The following PACC1 variants were observed in gnomAD, a reference collection of about 807,000 sequenced individuals.
The protein encoded by PACC1 is proton-activated chloride channel.
PACC1 carries 34 observed loss-of-function variants against 39.7 expected under a neutral mutation model. The ratio of observed to expected loss-of-function variants is 0.86; its 90% CI spans 0.65 to 1.14. The LOEUF is 1.14. Among genes scored for constraint, PACC1 ranks in the 50% most tolerant of loss-of-function variants. PACC1 has a pLI of 0.00. For missense variants in PACC1, 379 were observed against 436.4 expected (o/e 0.87, Z 1.17); for synonymous variants, 127 against 160.6 (o/e 0.79, Z 1.58).
At chr1:212,414,625 C>G in intron 1 of PACC1, 97 bp downstream of exon 1, 1 of 1,472,972 alleles carries the variant, frequency 6.8e-7, no homozygotes. Context: ...AGCCCTCTGC[C>G]GCGCAGCCCC....
At chr1:212,378,286 C>A (rs750723460) in intron 5 of PACC1, among the ~76,000 whole-genome samples, 1 of 152,170 alleles carries the variant, frequency 6.6e-6, no homozygotes, top group African/African-American at 2.4e-5. Flanking sequence ...AGGAAGCTCA[C>A]GAAAGGAGCG....
chr1:212,406,513 C>CA lies in PACC1; in HGVS notation c.133+3911dup, dbSNP rs906400823. On this transcript the variant is annotated intron_variant, in intron 2 of 7. Coordinates refer to ENST00000261455, the MANE Select transcript of PACC1 (RefSeq NM_018252.3). ...CCTAGTTGACACAGGGAGACTGTCTCAAAAAAAAAAGAAGAGTCAGAGGCA... is the reference window on the plus strand; with the variant it reads ...CCTAGTTGACACAGGGAGACTGTCTCAAAAAAAAAAAGAAGAGTCAGAGGCA... 8.9e-4 allele frequency among the ~76,000 whole-genome samples: 129 copies of CA among 144,878 alleles called. 2 individuals carry two copies. Among genetic ancestry groups the CA allele is most frequent in the South Asian group, 7.4e-3 (34 of 4,592 alleles).
At position 212,386,083 on chromosome 1, in the gene PACC1, G is replaced by A. The variant is rs908199433; in HGVS notation, c.344-658C>T. 2.0e-5 allele frequency among the ~76,000 whole-genome samples: 3 copies of A among 152,108 alleles called. No individual in the cohort carries two copies. Among genetic ancestry groups the A allele is most frequent in the South Asian group, 2.1e-4 (1 of 4,814 alleles). The stretch of plus-strand genomic sequence containing the variant: ...CACAAGACAGGAAGAGATGGGCAGA[G>A]GAGCCATGACCAGCACACCTGACTC... On this transcript the variant is annotated intron_variant, in intron 3 of 7. Coordinates refer to ENST00000261455, the MANE Select transcript of PACC1 (RefSeq NM_018252.3). This position sits in a 1 kb window ranked among gnomAD's most constrained non-coding sequence, Gnocchi z 5.0.
At chr1:212,381,695 G>A (rs56794403) in intron 4 of PACC1, among the ~76,000 whole-genome samples, 20,995 of 122,360 alleles carry the variant, frequency 0.17, 2,160 homozygotes, top group East Asian at 0.4. Context: ...CACACACACT[G>A]CACACACACA....
In PACC1 at chr1:212,377,703, T is replaced by C. The variant is rs775431444; in HGVS notation, c.642A>G (p.Pro214=). 2 of 1,613,850 alleles carry C rather than the reference T, an allele frequency of 1.2e-6. No individual in the cohort carries two copies. The highest frequency in any genetic ancestry group is 2.7e-5 in the African/African-American group (2 of 74,910). ...AGGCCTGCATGAAGCCTACCCTGTT[T>C]GGGCTTGGAGGAAGGAAGGAGAAGG... ...FSSFQEFLQS[P]NRVGFMQACE... Residue 214 remains proline (P), a synonymous_variant, in exon 6 of 8, where the codon CCA becomes CCG. Coordinates refer to ENST00000261455, the MANE Select transcript of PACC1 (RefSeq NM_018252.3).
At chr1:212,376,440 A>AC (rs755870589) in intron 6 of PACC1, among the ~76,000 whole-genome samples, 8 of 152,196 alleles carry the variant, frequency 5.3e-5, no homozygotes, top group Non-Finnish European at 8.8e-5. Context: ...TAGAGTTTTC[A>AC]CCCTTTGGTT....
intron 2 of PACC1, among the ~76,000 whole-genome samples, chr1:212,408,163 T>TA: frequency 6.6e-6 from 1 of 151,838 alleles, no homozygotes; most frequent in Non-Finnish European, 1.5e-5. Context: ...TTACCAGCTA[T>TA]ATGACCTCCC....
intron 7 of PACC1, among the ~76,000 whole-genome samples, chr1:212,370,623 TA>T (rs1660414091): frequency 6.6e-6 from 1 of 152,178 alleles, no homozygotes; most frequent in Admixed American, 6.5e-5. Flanking sequence ...GGAATAAAAC[TA>T]GAAATCAATA....
rs146460468 is a variant in PACC1, at chr1:212,377,706, G to C, written c.639C>G (p.Ser213Arg). ...LFSSFQEFLQSPNRVGFMQAC... is the reference protein window; with the variant it reads ...LFSSFQEFLQRPNRVGFMQAC... ...CCTGCATGAAGCCTACCCTGTTTGG[G>C]CTTGGAGGAAGGAAGGAGAAGGAAG... is the stretch of plus-strand genomic sequence containing the variant. The change falls in exon 6 of 8, where the codon AGC becomes AGG. Residue 213 changes from serine (S) to arginine (R), a missense_variant and splice_region_variant. Transcript: ENST00000261455. The C allele has an allele frequency of 8.1e-6, 13 of 1,613,742 alleles. No individual in the cohort carries two copies. The African/African-American group carries it at 1.7e-4, about 22-fold the overall frequency.
chr1:212,413,757 G>GA (rs1662220740), intron 1 of PACC1: 10 of 953,420 alleles, frequency 1.0e-5, no homozygotes. Flanking sequence ...TCAGGTCTGA[G>GA]AAAAAAGGAA....
At position 212,371,945 on chromosome 1, in the gene PACC1, G is replaced by A. The variant is rs541456257; in HGVS notation, c.891+3248C>T. ...CAAAAATCATGTAATCATTTCAATA[G>A]ATGGTAAAAAAGCATTTAATAAAAT... On this transcript the variant is annotated intron_variant, in intron 7 of 7. Transcript: ENST00000261455. 1.0e-3 allele frequency among the ~76,000 whole-genome samples: 153 copies of A among 152,180 alleles called. 1 individual carries two copies. Among genetic ancestry groups the A allele is most frequent in the Non-Finnish European group, 1.5e-3 (104 of 68,014 alleles).
Position 212,379,895 on chromosome 1 carries a change from CT to C in PACC1, c.637del (p.Ser213AlafsTer5), listed in dbSNP as rs1412689327. On this transcript the variant is annotated frameshift_variant and splice_region_variant, in exon 5 of 8. Transcript: ENST00000261455. LOFTEE classifies it high-confidence loss of function. ...LFSSFQEFLQ[S>X]PNRVGFMQAC... ...CCCACTGTGAACTCTAAAAGCCCACCTTTGCAGGAACTCCTGGAAAGAAGAG... is the reference window on the plus strand; with the variant it reads ...CCCACTGTGAACTCTAAAAGCCCACCTTGCAGGAACTCCTGGAAAGAAGAG... 1.9e-6 allele frequency: 3 copies of C among 1,614,016 alleles called. No individual in the cohort carries two copies. The highest frequency in any genetic ancestry group is 2.5e-6 in the Non-Finnish European group (3 of 1,180,016).
At position 212,379,800 on chromosome 1, in the gene PACC1, C is replaced by G. The variant is rs534288273; in HGVS notation, c.638+95G>C. On this transcript the variant is annotated intron_variant, in intron 5 of 7. Transcript: ENST00000261455. ...CATCTGAGAATGCCCCTTCCCTTCC[C>G]TGCCCTCACCCCTCCGTCTCTAGCC... 2.2e-5 allele frequency: 33 copies of G among 1,509,270 alleles called. No homozygotes were observed. In the South Asian group the frequency reaches 3.3e-4, roughly 15 times the overall value. 93.5% of individuals were successfully genotyped at this position (1,509,270 alleles called of 1,614,324 possible).
intron 2 of PACC1, among the ~76,000 whole-genome samples, chr1:212,405,262 G>A (rs1661865823): frequency 6.6e-6 from 1 of 152,128 alleles, no homozygotes; most frequent in Non-Finnish European, 1.5e-5. Context: ...CTTCTATGGA[G>A]TCATACTTCC....
intron 7 of PACC1, 139 bp from the exon 8 acceptor site, chr1:212,365,515 C>T (rs925223548): frequency 5.8e-6 from 5 of 866,932 alleles, no homozygotes; most frequent in Non-Finnish European, 8.3e-6. Flanking sequence ...AGTGCAAGCT[C>T]CGCTTCCTGG....
Position 212,410,473 on chromosome 1 carries a change from C to T in PACC1, c.85G>A (p.Glu29Lys), listed in dbSNP as rs895606916. The T allele has an allele frequency of 3.7e-6, 6 of 1,614,164 alleles. No individual in the cohort carries two copies. Among genetic ancestry groups the T allele is most frequent in the Non-Finnish European group, 5.1e-6 (6 of 1,180,024 alleles). ...QVVENSELAD[E>K]QDKETVRVQG... ...ACTCTGACCGTCTCCTTGTCCTGCT[C>T]GTCTGCCAGCTCTGAGTTCTCAACC... Residue 29 changes from glutamate to lysine, a missense_variant, in exon 2 of 8, where the codon GAG (glutamate) becomes AAG (lysine). By Grantham distance (56) the Glu-to-Lys change is moderately conservative (BLOSUM62 1). Coordinates refer to ENST00000261455, the MANE Select transcript of PACC1 (RefSeq NM_018252.3).
At position 212,371,445 on chromosome 1, in the gene PACC1, A is replaced by C. The variant is rs1660456301; in HGVS notation, c.891+3748T>G. ...AAAAACTATATGCCAATAAAGGAAA[A>C]CCTAAAAGAAGTGGAAAAATTCCTG... On this transcript the variant is annotated intron_variant, in intron 7 of 7. Transcript: ENST00000261455. 2.0e-5 allele frequency among the ~76,000 whole-genome samples: 3 copies of C among 152,188 alleles called. No homozygotes were observed. The South Asian group carries it at 6.2e-4, about 32-fold the overall frequency.
chr1:212,372,050 C>T (rs1041833043), intron 7 of PACC1, among the ~76,000 whole-genome samples: 3 of 152,086 alleles, frequency 2.0e-5, no homozygotes, highest in South Asian at 2.1e-4. Flanking sequence ...TTTGGGAGGC[C>T]GAGGTGGGCA....
intron 7 of PACC1, among the ~76,000 whole-genome samples, chr1:212,370,415 G>C (rs1660405133): frequency 6.6e-6 from 1 of 152,342 alleles, no homozygotes; most frequent in Non-Finnish European, 1.5e-5. Context: ...CTTGCAGTGA[G>C]CCGAGTTCAC....
Sources: allele counts gnomAD v4.1 joint callset (sites outside exome capture counted in the v4.1 genomes callset), GRCh38; gene constraint gnomAD v4.1.1; non-coding constraint Gnocchi (gnomAD v3.1); transcripts MANE v1.5; gene names NCBI Gene and HGNC (gene_info 2026-07-23, HGNC 2026-07-21).